The following IQSEC1 variants were observed in gnomAD, a reference collection of about 807,000 sequenced individuals.
IQSEC1 encodes IQ motif and Sec7 domain ArfGEF 1.
In IQSEC1, 31 loss-of-function variants were observed where a neutral mutation model predicts 91.0. The ratio of observed to expected loss-of-function variants is 0.34; its 90% CI spans 0.26 to 0.46. The LOEUF (loss-of-function observed/expected upper bound fraction) is 0.46. Ranked by LOEUF, IQSEC1 falls within the 20% of genes least tolerant of loss-of-function variation. The pLI, the probability that IQSEC1 is intolerant of heterozygous loss-of-function variation, is 1.00. For synonymous variants in IQSEC1, 699 were observed against 662.6 expected, an observed-to-expected ratio of 1.05 and a Z score of -0.84; for missense variants, 1,388 against 1,575.6, an observed-to-expected ratio of 0.88 and a Z score of 2.02.
intron 2 of IQSEC1, among the ~76,000 whole-genome samples, chr3:13,098,964 C>T (rs1031983012): frequency 5.3e-5 from 8 of 152,192 alleles, no homozygotes; most frequent in Non-Finnish European, 7.3e-5. Context: ...TCCAGTAAAG[C>T]TGTTACAGAA....
chr3:13,223,257 G>A (rs1483650420), intron 1 of IQSEC1, among the ~76,000 whole-genome samples: 1 of 152,220 alleles, frequency 6.6e-6, no homozygotes, highest in Non-Finnish European at 1.5e-5. Context: ...ATGAGCTCTG[G>A]GAGGAAATAA....
At chr3:13,000,414 T>A (rs1309826430) in intron 1 of IQSEC1, among the ~76,000 whole-genome samples, 1 of 152,182 alleles carries the variant, frequency 6.6e-6, no homozygotes, top group East Asian at 1.9e-4. Flanking sequence ...GCTCCCACAG[T>A]GTCCTGTACA....
chr3:13,150,709 G>C (rs62234202), intron 2 of IQSEC1, among the ~76,000 whole-genome samples: 1,799 of 152,316 alleles, frequency 0.012, 17 homozygotes, highest in Middle Eastern at 0.034. Flanking sequence ...GTGGGTGGGA[G>C]CTGAGTGTGG....
At chr3:12,962,094 C>T (rs1370207721) in intron 1 of IQSEC1, among the ~76,000 whole-genome samples, 2 of 152,192 alleles carry the variant, frequency 1.3e-5, no homozygotes, top group Non-Finnish European at 2.9e-5. Flanking sequence ...GGGTGACTGA[C>T]GCCAGGGCTC....
At chr3:13,125,926 C>T (rs370698389) in intron 2 of IQSEC1, among the ~76,000 whole-genome samples, 4 of 152,118 alleles carry the variant, frequency 2.6e-5, no homozygotes, top group African/African-American at 7.2e-5. Context: ...CTCACTGGGA[C>T]TACCAGAGGA....
rs772688259 is a variant in IQSEC1, at chr3:13,215,479, GT to G, written c.273-51347del. Among the ~76,000 whole-genome samples, 89 of 152,288 alleles carry G rather than the reference GT, an allele frequency of 5.8e-4. 3 individuals are homozygous for G. Among genetic ancestry groups the G allele is most frequent in the African/African-American group, 1.5e-3 (61 of 41,548 alleles). ...AAAGAACAAGAACTGCAAGAGTTTC[GT>G]TTAAAATCCATGTTAAGTCTGAACA... On this transcript the variant is annotated intron_variant, in intron 1 of 15. Coordinates refer to the IQSEC1 transcript ENST00000648114.
At chr3:13,074,720 T>C (rs1325656120), upstream of IQSEC1, among the ~76,000 whole-genome samples, 1 of 152,210 alleles carries the variant, frequency 6.6e-6, no homozygotes, top group African/African-American at 2.4e-5. Context: ...GAGGGAGTAG[T>C]TGAGACTGGG....
chr3:13,203,469 C>G lies in IQSEC1; in HGVS notation c.273-39336G>C, dbSNP rs541824417. The stretch of plus-strand genomic sequence containing the variant: ...CAGGACAAATTCCTGTAGTGGGCAC[C>G]CCCAGATTCCAGAGACTCCCAAGCC... On this transcript the variant is annotated intron_variant, in intron 1 of 15. Coordinates refer to the IQSEC1 transcript ENST00000648114. 2.0e-3 allele frequency among the ~76,000 whole-genome samples: 298 copies of G among 152,330 alleles called. 1 individual carries two copies. Among genetic ancestry groups the G allele is most frequent in the Non-Finnish European group, 3.2e-3 (216 of 68,016 alleles).
chr3:13,227,369 C>T (rs982720354), intron 1 of IQSEC1, among the ~76,000 whole-genome samples: 1 of 85,318 alleles, frequency 1.2e-5, no homozygotes, highest in African/African-American at 5.8e-5. Context: ...AAGCGGGACT[C>T]TGTCTCAAAA....
intron 1 of IQSEC1, among the ~76,000 whole-genome samples, chr3:13,190,412 A>G (rs1007116658): frequency 2.9e-5 from 4 of 139,842 alleles, no homozygotes; most frequent in African/African-American, 1.2e-4. Context: ...TACAAAATAA[A>G]ATAAAAAAAA....
chr3:12,944,161 C>T (rs1195415958), intron 1 of IQSEC1, among the ~76,000 whole-genome samples: 2 of 152,204 alleles, frequency 1.3e-5, no homozygotes, highest in African/African-American at 4.8e-5. Flanking sequence ...AGGAACACCA[C>T]CCTTCGAGAT....
At chr3:13,117,447 G>A (rs1301507170) in intron 2 of IQSEC1, among the ~76,000 whole-genome samples, 7 of 151,038 alleles carry the variant, frequency 4.6e-5, no homozygotes, top group Non-Finnish European at 7.4e-5. Context: ...TTAACCGGGC[G>A]TGGTGGCGTG....
chr3:13,026,155 C>T (rs142612627), intron 1 of IQSEC1, among the ~76,000 whole-genome samples: 2,161 of 152,314 alleles, frequency 0.014, 32 homozygotes, highest in Admixed American at 0.022. Context: ...GCTCTGTCCT[C>T]GCTTCCTGTG....
At chr3:13,012,687 A>G (rs1160668951) in intron 1 of IQSEC1, among the ~76,000 whole-genome samples, 1 of 152,222 alleles carries the variant, frequency 6.6e-6, no homozygotes, top group East Asian at 1.9e-4. Flanking sequence ...CACAGTGAAG[A>G]CAGTAGGAAG....
At chr3:13,023,536 CG>C (rs576319311) in intron 1 of IQSEC1, among the ~76,000 whole-genome samples, 32 of 152,136 alleles carry the variant, frequency 2.1e-4, no homozygotes, top group Non-Finnish European at 2.8e-4. Context: ...TCCATTTCAC[CG>C]GGGGAAACTG....
At chr3:13,191,585 C>T (rs1410084311) in intron 1 of IQSEC1, among the ~76,000 whole-genome samples, 2 of 149,016 alleles carry the variant, frequency 1.3e-5, no homozygotes, top group African/African-American at 5.0e-5. Context: ...GATCCACCTG[C>T]CTCTGCCTCT....
At chr3:13,232,562 G>A (rs1372047491) in intron 1 of IQSEC1, among the ~76,000 whole-genome samples, 1 of 152,208 alleles carries the variant, frequency 6.6e-6, no homozygotes, top group Non-Finnish European at 1.5e-5. Context: ...ACCCAGCCTG[G>A]CCCGGCTGCA....
intron 1 of IQSEC1, among the ~76,000 whole-genome samples, chr3:13,027,876 T>C (rs1039972440): frequency 1.3e-5 from 2 of 152,256 alleles, no homozygotes; most frequent in Non-Finnish European, 2.9e-5. Context: ...GTAACAGCTC[T>C]TGATTTTTAT....
At chr3:13,041,251 C>T (rs772398893) in intron 1 of IQSEC1, among the ~76,000 whole-genome samples, 13 of 152,126 alleles carry the variant, frequency 8.5e-5, no homozygotes, top group African/African-American at 2.4e-4. Context: ...TGCACCACAG[C>T]GCTCAGGGCC....
Sources: allele counts gnomAD v4.1 joint callset (sites outside exome capture counted in the v4.1 genomes callset), GRCh38; gene constraint gnomAD v4.1.1; transcripts MANE v1.5; gene names NCBI Gene and HGNC (gene_info 2026-07-23, HGNC 2026-07-21).